Variants in FANCA observed in about 807,000 individuals in gnomAD.
FANCA encodes Fanconi anemia group A protein.
A neutral mutation model predicts 194.3 loss-of-function variants in FANCA; 236 were observed. The observed-to-expected ratio is 1.21, with a 90% CI of 1.09 to 1.35. The LOEUF (loss-of-function observed/expected upper bound fraction) is 1.35, where lower values mean the gene tolerates loss of function less well. Ranked by LOEUF, FANCA falls within the 40% of genes most tolerant of loss-of-function variation. The pLI, the probability that FANCA is intolerant of heterozygous loss-of-function variation, is 0.00. For missense variants in FANCA, 2,628 were observed against 1,813.9 expected (o/e 1.45, Z -8.15); for synonymous variants, 1,014 against 715.8 (o/e 1.42, Z -6.65).
intron 8 of FANCA, among the ~76,000 whole-genome samples, chr16:89,800,850 G>A (rs1420888301): frequency 6.6e-6 from 1 of 152,080 alleles, no homozygotes; most frequent in African/African-American, 2.4e-5. Flanking sequence ...GACCAACAAG[G>A]TGAAACCCTG....
intron 30 of FANCA, among the ~76,000 whole-genome samples, chr16:89,755,842 T>C (rs2038749245): frequency 1.3e-5 from 2 of 151,674 alleles, no homozygotes; most frequent in Admixed American, 6.6e-5. Context: ...CCCGCACACC[T>C]AGGCCACACG....
intron 23 of FANCA, 58 bp from the exon 24 acceptor site, chr16:89,770,692 A>C (rs1179747739): frequency 2.0e-6 from 3 of 1,468,648 alleles, no homozygotes; most frequent in East Asian, 4.9e-5. Flanking sequence ...AGCAGGAAGG[A>C]AGCCGGCCAG....
chr16:89,747,062 C>G (rs536612620), intron 33 of FANCA, among the ~76,000 whole-genome samples, 172 bp from the exon 34 acceptor site: 2 of 152,330 alleles, frequency 1.3e-5, no homozygotes, highest in African/African-American at 4.8e-5. Context: ...GCTGTGCTGT[C>G]CTGAAACTTA....
rs2038966561 is a variant in FANCA, at chr16:89,761,937, T to A, written c.2852+12A>T. The A allele has an allele frequency of 1.9e-6, 3 of 1,612,166 alleles. No individual in the cohort carries two copies. Among genetic ancestry groups the A allele is most frequent in the South Asian group, 2.2e-5 (2 of 91,058 alleles). Reference sequence around the variant, plus strand: ...ATCATGCCTGGCCAGGGTAGCTCTTTTCAACACTTACCGTTCAGTATCTGA... The same window carrying A: ...ATCATGCCTGGCCAGGGTAGCTCTTATCAACACTTACCGTTCAGTATCTGA... On this transcript the variant is annotated intron_variant, in intron 29 of 42. Transcript: ENST00000389301.
intron 17 of FANCA, 129 bp from the exon 18 acceptor site, chr16:89,780,086 C>T (rs1598129873): frequency 4.7e-6 from 4 of 844,076 alleles, no homozygotes; most frequent in South Asian, 4.2e-5. Context: ...TAAAGGCCCA[C>T]ATGCTGTGCG....
chr16:89,748,406 A>C (rs17227127), intron 33 of FANCA, among the ~76,000 whole-genome samples: 61 of 152,340 alleles, frequency 4.0e-4, no homozygotes, highest in African/African-American at 1.4e-3. Flanking sequence ...AAATCATTAA[A>C]ACTTGAGGGA....
At chr16:89,778,161 CAA>C (rs35361961) in intron 20 of FANCA, among the ~76,000 whole-genome samples, 3 of 47,986 alleles carry the variant, frequency 6.3e-5, no homozygotes, top group Non-Finnish European at 3.9e-5. Context: ...GACTTCATCT[CAA>C]AAAAAAAAAA....
In FANCA at chr16:89,737,830, A is replaced by G. The variant is rs770383333; in HGVS notation, c.*771T>C. 6.2e-7 allele frequency: 1 copy of G among 1,614,160 alleles called. No homozygotes were observed. Among genetic ancestry groups the G allele is most frequent in the East Asian group, 2.2e-5 (1 of 44,872 alleles). ...GAGGTGCGGAACTATATCTGTGACG[A>G]ATGTGGACAAACCTTCAAGCAGCGG... On this transcript the variant is annotated 3_prime_UTR_variant, in exon 43 of 43. Transcript: ENST00000389301.
At position 89,814,564 on chromosome 16, in the gene FANCA, CA is replaced by C. The variant is rs864622187; in HGVS notation, c.238del (p.Cys80ValfsTer15). Reference sequence around the variant, plus strand: ...ATTAGCATAGGCCTCAGAACTGTCACAGTCAATCACTTTGCTGAGAGACAAT... The same window carrying C: ...ATTAGCATAGGCCTCAGAACTGTCACGTCAATCACTTTGCTGAGAGACAAT... ...KKLSLSKVID[C>X]DSSEAYANHS... On this transcript the variant is annotated frameshift_variant, in exon 3 of 43. Transcript: ENST00000389301. LOFTEE classifies it high-confidence loss of function. 6.2e-7 allele frequency: 1 copy of C among 1,613,954 alleles called. No individual in the cohort carries two copies. The highest frequency in any genetic ancestry group is 1.7e-5 in the Admixed American group (1 of 60,018).
chr16:89,793,070 C>A (rs1043050191), intron 11 of FANCA, among the ~76,000 whole-genome samples: 10 of 152,150 alleles, frequency 6.6e-5, no homozygotes, highest in African/African-American at 2.4e-4. Context: ...CACAGGGAGA[C>A]GGTTAGGCCT....
At chr16:89,797,102 G>A (rs531372901) in intron 10 of FANCA, among the ~76,000 whole-genome samples, 1 of 152,216 alleles carries the variant, frequency 6.6e-6, no homozygotes, top group Non-Finnish European at 1.5e-5. Context: ...GGAGCTTGCA[G>A]TGAGCAGAGA....
At chr16:89,763,908 A>G (rs2143278831) in intron 28 of FANCA, among the ~76,000 whole-genome samples, 1 of 135,980 alleles carries the variant, frequency 7.4e-6, no homozygotes, top group African/African-American at 2.9e-5. Context: ...GCCCCAGAGT[A>G]AGACTCCACC....
rs995915107 is a variant in FANCA, at chr16:89,738,847, C to T, written c.4260+35G>A. ...CCAGGCAGCTGTCAATTCTCATGTC[C>T]CCCACATGGCCCAAGGTGGGCATCT... On this transcript the variant is annotated intron_variant, in intron 42 of 42. Transcript: ENST00000389301. 6.2e-6 allele frequency: 10 copies of T among 1,614,074 alleles called. No homozygotes were observed. The highest frequency in any genetic ancestry group is 1.1e-5 in the South Asian group (1 of 91,082).
rs778523610 is a variant in FANCA, at chr16:89,779,913, C to T, written c.1671G>A (p.Val557=). Residue 557 remains valine (V), a synonymous_variant, in exon 18 of 43, where the codon GTG becomes GTA. Transcript: ENST00000389301. ...ALQDVEKAIM[V]FEHTGNIPVT... ...CTGGGATGTTCCCCGTATGCTCAAA[C>T]ACCATGATGGCCTTTTCAACATCCT... 5.0e-6 allele frequency: 8 copies of T among 1,614,168 alleles called. No individual in the cohort carries two copies. In the South Asian group the frequency reaches 7.7e-5, roughly 16 times the overall value.
At chr16:89,766,669 C>G (rs2039138648) in intron 27 of FANCA, among the ~76,000 whole-genome samples, 1 of 151,208 alleles carries the variant, frequency 6.6e-6, no homozygotes, top group African/African-American at 2.4e-5. Flanking sequence ...GGGCCGAGAT[C>G]GCACCACTGC....
intron 6 of FANCA, among the ~76,000 whole-genome samples, chr16:89,807,712 GTC>G (rs757386580): frequency 6.6e-6 from 1 of 151,422 alleles, no homozygotes; most frequent in Non-Finnish European, 1.5e-5. Flanking sequence ...GTGAAACCCA[GTC>G]TCTACTAAAA....
At chr16:89,739,970 G>C (rs1001246905) in intron 39 of FANCA, 24 bp downstream of exon 39, 1 of 1,612,926 alleles carries the variant, frequency 6.2e-7, no homozygotes, top group Non-Finnish European at 8.5e-7. Context: ...CTCCGCATTT[G>C]TGCCTCAGCA....
intron 26 of FANCA, among the ~76,000 whole-genome samples, chr16:89,768,297 A>T (rs1384414947): frequency 6.6e-6 from 1 of 152,222 alleles, no homozygotes; most frequent in Non-Finnish European, 1.5e-5. Context: ...GGAAGCTCAG[A>T]ATGAGATTCC....
At chr16:89,767,322 G>A (rs1326653432) in intron 26 of FANCA, 85 bp from the exon 27 acceptor site, 6 of 968,970 alleles carry the variant, frequency 6.2e-6, no homozygotes, top group South Asian at 1.3e-5. Flanking sequence ...TCATAAAACT[G>A]AATTTAGTGC....
Sources: allele counts gnomAD v4.1 joint callset (sites outside exome capture counted in the v4.1 genomes callset), GRCh38; gene constraint gnomAD v4.1.1; transcripts MANE v1.5; gene names NCBI Gene and HGNC (gene_info 2026-07-23, HGNC 2026-07-21).